Variants in PTK2B observed in about 807,000 individuals in gnomAD.
The protein encoded by PTK2B is protein tyrosine kinase 2 beta, also known as protein-tyrosine kinase 2-beta.
In PTK2B, 71 loss-of-function variants were observed where a neutral mutation model predicts 142.9. The observed-to-expected ratio is 0.50, with a 90% CI of 0.41 to 0.61. The LOEUF is 0.61. PTK2B is among the 20% of genes least tolerant of loss of function. The probability of loss-of-function intolerance (pLI) is 0.00; values close to 1 mark genes in which losing one functional copy is unlikely to be tolerated. For synonymous variants in PTK2B, 519 were observed against 503.4 expected, an observed-to-expected ratio of 1.03 and a Z score of -0.42; for missense variants, 1,105 against 1,320.4, an observed-to-expected ratio of 0.84 and a Z score of 2.53.
chr8:27,431,418 G>C lies in PTK2B; in HGVS notation c.831G>C (p.Val277=). The change falls in exon 9 of 31, where the codon GTG becomes GTC. Residue 277 remains valine, a synonymous_variant. Coordinates refer to ENST00000346049, the MANE Select transcript of PTK2B (RefSeq NM_173176.3). ...TCCAGCAAGGATGGAACATTACTGT[G>C]GACCTGGTCATTGGCCCTAAAGGGA... is the stretch of plus-strand genomic sequence containing the variant. ...CELIQGWNIT[V]DLVIGPKGIR... The C allele has an allele frequency of 2.5e-6, 4 of 1,614,220 alleles. No homozygotes were observed. The highest frequency in any genetic ancestry group is 3.4e-6 in the Non-Finnish European group (4 of 1,180,036).
At chr8:27,390,710 C>T (rs1287702278) in intron 1 of PTK2B, among the ~76,000 whole-genome samples, 2 of 152,134 alleles carry the variant, frequency 1.3e-5, no homozygotes, top group Admixed American at 1.3e-4. Context: ...GTTTCTAATT[C>T]TCTCTTCTTC....
Position 27,422,415 on chromosome 8 carries a change from C to T in PTK2B, c.551+32C>T, listed in dbSNP as rs199527997. ...GGCCCTGAGGCCTCTGCTGGGAGGG[C>T]GCTGTGCTGAGCTCTGGGCAGGCCC... On this transcript the variant is annotated intron_variant, in intron 5 of 30. Transcript: ENST00000346049. The T allele has an allele frequency of 7.0e-5, 110 of 1,575,686 alleles. 1 individual carries two copies. The East Asian group carries it at 9.8e-4, about 14-fold the overall frequency.
In PTK2B at chr8:27,385,892, C is replaced by CCA. The variant is rs1554493272; in HGVS notation, c.-37-11656_-37-11655insCA. On this transcript the variant is annotated intron_variant, in intron 1 of 30. Coordinates refer to ENST00000346049, the MANE Select transcript of PTK2B (RefSeq NM_173176.3). ...TGGGTGACAAAGTGAGATTCCGTCT[C>CCA]AAAAAAAAAAAAAAAAAAAGACAGT... 1.8e-5 allele frequency among the ~76,000 whole-genome samples: 2 copies of CCA among 110,024 alleles called. 1 individual carries two copies. The highest frequency in any genetic ancestry group is 3.5e-5 in the Non-Finnish European group (2 of 57,178). The allele number at this position is 110,024 out of a possible 152,430, so 72.2% of individuals were successfully genotyped here. A position where few individuals can be genotyped will look rare whatever the true frequency, so the allele number is the denominator to read the frequency against.
At chr8:27,326,568 C>T (rs1294805276) in intron 1 of PTK2B, among the ~76,000 whole-genome samples, 6 of 152,162 alleles carry the variant, frequency 3.9e-5, no homozygotes, top group South Asian at 4.1e-4. Context: ...AGGAGGAACT[C>T]GGAAGCTGCG....
upstream of PTK2B, among the ~76,000 whole-genome samples, chr8:27,324,297 G>A (rs188420478): frequency 3.3e-5 from 5 of 152,340 alleles, no homozygotes; most frequent in Middle Eastern, 3.4e-3. Context: ...TGCTGGGAAC[G>A]TGACAAATCT....
intron 3 of PTK2B, among the ~76,000 whole-genome samples, chr8:27,319,783 A>G (rs1803171331): frequency 6.6e-6 from 1 of 152,210 alleles, no homozygotes; most frequent in Non-Finnish European, 1.5e-5. Flanking sequence ...CCCATTTTAT[A>G]CATGAGAAAA....
chr8:27,311,547 C>T (rs942187038), exon 1 of PTK2B: 1 of 430,518 alleles, frequency 2.3e-6, no homozygotes, highest in African/African-American at 2.1e-5. Flanking sequence ...GTCTCCCAGG[C>T]GGCGTAGTAG....
intron 2 of PTK2B, among the ~76,000 whole-genome samples, chr8:27,402,903 A>T (rs1808465579): frequency 6.6e-6 from 1 of 152,170 alleles, no homozygotes; most frequent in Non-Finnish European, 1.5e-5. Context: ...TGTGTATCCC[A>T]AGTTATCTCT....
chr8:27,337,041 GTTT>G (rs1179039698), intron 1 of PTK2B, among the ~76,000 whole-genome samples: 1 of 146,336 alleles, frequency 6.8e-6, no homozygotes, highest in Non-Finnish European at 1.5e-5. Flanking sequence ...ATGAATAGTA[GTTT>G]TTTGAGATAC....
chr8:27,333,689 C>G (rs1205509063), intron 1 of PTK2B, among the ~76,000 whole-genome samples: 1 of 152,122 alleles, frequency 6.6e-6, no homozygotes, highest in Non-Finnish European at 1.5e-5. Flanking sequence ...GGCCGCTTCC[C>G]CCTGGGCCTC....
chr8:27,319,560 C>T (rs1803165349), intron 3 of PTK2B, among the ~76,000 whole-genome samples: 1 of 145,608 alleles, frequency 6.9e-6, no homozygotes, highest in African/African-American at 2.5e-5. Flanking sequence ...AGGAGAATGG[C>T]ATGAACCTGG....
chr8:27,443,004 A>C lies in PTK2B; in HGVS notation c.2148+21A>C, dbSNP rs755435362. On this transcript the variant is annotated intron_variant, in intron 22 of 30. Transcript: ENST00000346049. ...CCAAGGTAAGCCAAGCCATGGCCTCATAAGTCCTGTGAGTCAAAGCAAAGC... is the reference window on the plus strand; with the variant it reads ...CCAAGGTAAGCCAAGCCATGGCCTCCTAAGTCCTGTGAGTCAAAGCAAAGC... 10 of 1,591,266 alleles carry C rather than the reference A, an allele frequency of 6.3e-6. No homozygotes were observed. The South Asian group carries it at 8.8e-5, about 14-fold the overall frequency.
At chr8:27,359,560 C>T (rs1199008042) in intron 1 of PTK2B, among the ~76,000 whole-genome samples, 1 of 152,114 alleles carries the variant, frequency 6.6e-6, no homozygotes, top group African/African-American at 2.4e-5. Context: ...GCAGGAGGAG[C>T]AGGGTATTTA....
At chr8:27,342,024 G>A (rs1480582053) in intron 1 of PTK2B, among the ~76,000 whole-genome samples, 1 of 152,166 alleles carries the variant, frequency 6.6e-6, no homozygotes, top group Non-Finnish European at 1.5e-5. Context: ...CTGCCACAGT[G>A]CATCTGGGGA....
intron 2 of PTK2B, among the ~76,000 whole-genome samples, chr8:27,409,630 A>C (rs373770172): frequency 3.3e-5 from 5 of 152,196 alleles, no homozygotes; most frequent in African/African-American, 1.2e-4. Flanking sequence ...TGTACAGAAA[A>C]TGAGGAACCA....
At chr8:27,320,590 T>C (rs1385872070), upstream of PTK2B, among the ~76,000 whole-genome samples, 1 of 152,166 alleles carries the variant, frequency 6.6e-6, no homozygotes, top group Non-Finnish European at 1.5e-5. Context: ...TTTCTTTCTT[T>C]TGTCCTTTAT....
At chr8:27,382,637 G>C (rs1398268381) in intron 1 of PTK2B, among the ~76,000 whole-genome samples, 1 of 152,026 alleles carries the variant, frequency 6.6e-6, no homozygotes, top group East Asian at 1.9e-4. Context: ...TATTTGCCCA[G>C]ACCAATGTCC....
chr8:27,318,468 G>A (rs894128391), intron 3 of PTK2B, among the ~76,000 whole-genome samples: 1 of 152,032 alleles, frequency 6.6e-6, no homozygotes, highest in African/African-American at 2.4e-5. Flanking sequence ...ATTCAGAGTC[G>A]GCAGGGCATC....
intron 2 of PTK2B, among the ~76,000 whole-genome samples, chr8:27,312,576 T>G (rs112297324): frequency 2.0e-5 from 3 of 152,330 alleles, no homozygotes; most frequent in East Asian, 3.9e-4. Context: ...CATGAAATTT[T>G]GGCATGCAAA....
Sources: gnomAD v4.1 joint callset for allele counts (sites outside exome capture counted in the v4.1 genomes callset) on GRCh38, gnomAD v4.1.1 for gene constraint, MANE v1.5 for transcripts, NCBI Gene and HGNC (gene_info 2026-07-23, HGNC 2026-07-21) for gene names.